Variants in C1orf94 observed in about 807,000 individuals in gnomAD.
The protein encoded by C1orf94 is uncharacterized protein C1orf94.
Under a neutral mutation model 53.6 loss-of-function variants are expected in C1orf94, and 45 were observed. The ratio of observed to expected loss-of-function variants is 0.84; its 90% confidence interval spans 0.66 to 1.08. The LOEUF (loss-of-function observed/expected upper bound fraction) is 1.08, where lower values mean the gene tolerates loss of function less well. Ranked by LOEUF, C1orf94 falls within the 50% of genes least tolerant of loss-of-function variation. The pLI is 0.00. For synonymous variants in C1orf94, 304 were observed against 296.1 expected (o/e 1.03, Z -0.27); for missense variants, 762 against 738.9 (o/e 1.03, Z -0.36).
At chr1:34,183,606 G>C (rs1226520648) in intron 1 of C1orf94, among the ~76,000 whole-genome samples, 1 of 152,186 alleles carries the variant, frequency 6.6e-6, no homozygotes, top group Non-Finnish European at 1.5e-5. Context: ...TATAATCCCA[G>C]CACTTTGGGA....
At chr1:34,169,405 C>T (rs1488162209) in intron 1 of C1orf94, among the ~76,000 whole-genome samples, 1 of 152,052 alleles carries the variant, frequency 6.6e-6, no homozygotes, top group Non-Finnish European at 1.5e-5. Context: ...TATCACATTG[C>T]AAAAAAGCCC....
At chr1:34,210,247 G>T (rs297793) in intron 5 of C1orf94, among the ~76,000 whole-genome samples, 2 of 152,100 alleles carry the variant, frequency 1.3e-5, no homozygotes, top group Non-Finnish European at 2.9e-5. Context: ...CTGACCCATA[G>T]GGTCATGACT....
rs370371684 is a variant in C1orf94, at chr1:34,212,252, C to T, written c.1567C>T (p.Arg523Cys). 214 of 1,613,324 alleles carry T rather than the reference C, an allele frequency of 1.3e-4. 3 individuals are homozygous for T. The South Asian group carries it at 1.6e-3, about 12-fold the overall frequency. The change falls in exon 6 of 7, where the codon CGC (arginine) becomes TGC (cysteine). Residue 523 changes from arginine to cysteine, a missense_variant. Transcript: ENST00000488417. ...ACAGCAGATGGGACAGCAGATCTTC[C>T]GCTCTTCCTACACCCCTCTGCTGAG... The part of the protein sequence containing the change: ...NPQQMGQQIF[R>C]SSYTPLLSYI...
In C1orf94 at chr1:34,197,135, A is replaced by G. The variant is rs2148617533; in HGVS notation, c.321-90A>G. ...TGTGTTTTTGTCATGTTATGCATCC[A>G]TCTCCCTTTTCTGGGGCCTATGTCC... On this transcript the variant is annotated intron_variant, in intron 1 of 6. Coordinates refer to ENST00000488417, the MANE Select transcript of C1orf94 (RefSeq NM_001134734.2). This position sits in a 1 kb window ranked among gnomAD's most constrained non-coding sequence, Gnocchi z 4.1. 2 of 1,179,192 alleles carry G rather than the reference A, an allele frequency of 1.7e-6. No homozygotes were observed. Among genetic ancestry groups the G allele is most frequent in the East Asian group, 5.2e-5 (2 of 38,750 alleles). 73.0% of individuals were successfully genotyped at this position (1,179,192 alleles called of 1,614,324 possible).
chr1:34,207,632 G>A (rs985449665), intron 4 of C1orf94, among the ~76,000 whole-genome samples: 24 of 152,148 alleles, frequency 1.6e-4, no homozygotes, highest in Non-Finnish European at 2.8e-4. Context: ...AGACACAAAT[G>A]TAAACACACA....
At chr1:34,169,632 AGAGT>A (rs67608411) in intron 1 of C1orf94, among the ~76,000 whole-genome samples, 28,941 of 95,486 alleles carry the variant, frequency 0.3, 4,223 homozygotes, top group Middle Eastern at 0.44. Context: ...AGAGAGAGAG[AGAGT>A]GAGCAAATGG....
At chr1:34,212,813 G>A (rs1642919082) in intron 6 of C1orf94, among the ~76,000 whole-genome samples, 1 of 152,118 alleles carries the variant, frequency 6.6e-6, no homozygotes, top group African/African-American at 2.4e-5. Flanking sequence ...CTCCTTGCAA[G>A]GCTAATCTCC....
intron 1 of C1orf94, among the ~76,000 whole-genome samples, chr1:34,187,506 T>A (rs1209086470): frequency 6.6e-6 from 1 of 152,058 alleles, no homozygotes; most frequent in East Asian, 1.9e-4. Context: ...CCTGCAGAGA[T>A]GGGCCACCAG....
At chr1:34,187,837 G>A (rs1486282662) in intron 1 of C1orf94, among the ~76,000 whole-genome samples, 1 of 139,954 alleles carries the variant, frequency 7.1e-6, no homozygotes, top group East Asian at 2.1e-4. Flanking sequence ...CTGTTCCCTG[G>A]AGGGAGAATC....
At chr1:34,202,546 T>C (rs1291225023) in intron 4 of C1orf94, among the ~76,000 whole-genome samples, 2 of 152,212 alleles carry the variant, frequency 1.3e-5, no homozygotes, top group Non-Finnish European at 2.9e-5. Flanking sequence ...CTTTCCATTG[T>C]CCGAATTCCA....
At chr1:34,199,243 G>A (rs1325517416) in intron 2 of C1orf94, among the ~76,000 whole-genome samples, 1 of 152,184 alleles carries the variant, frequency 6.6e-6, no homozygotes, top group African/African-American at 2.4e-5. Context: ...TGGGACGAGG[G>A]AGCTTCGTAG....
At chr1:34,214,725 A>T (rs530854769) in intron 6 of C1orf94, among the ~76,000 whole-genome samples, 1 of 152,276 alleles carries the variant, frequency 6.6e-6, no homozygotes, top group African/African-American at 2.4e-5. Context: ...ACATGTCTGC[A>T]GAGGTCGGAG....
rs534691805 is a variant in C1orf94 at position 34,213,816 on chromosome 1, C to T, written c.1721+1410C>T. Among the ~76,000 whole-genome samples the T allele has an allele frequency of 7.2e-5, 11 of 152,284 alleles. No individual in the cohort carries two copies. The South Asian group carries it at 2.1e-3, about 29-fold the overall frequency. ...TCAGCCTCCCAAAGTGCTGGGATTA[C>T]AGCCATGAGCCACCGTGCCCAGCAT... On this transcript the variant is annotated intron_variant, in intron 6 of 6. Transcript: ENST00000488417.
At chr1:34,201,169 T>C in intron 3 of C1orf94, 137 bp downstream of exon 3, 2 of 1,263,774 alleles carry the variant, frequency 1.6e-6, no homozygotes, top group East Asian at 2.6e-5. Flanking sequence ...ACCCATAAAA[T>C]GGGGGCAATG....
intron 5 of C1orf94, among the ~76,000 whole-genome samples, chr1:34,209,589 C>T (rs916136069): frequency 1.3e-5 from 2 of 152,198 alleles, no homozygotes; most frequent in African/African-American, 4.8e-5. Context: ...TCCTGTCTCC[C>T]CAGGGAGCCC....
rs367889351 is a variant in C1orf94 at position 34,197,802 on chromosome 1, C to T, written c.898C>T (p.Arg300Cys). 3.9e-4 allele frequency: 632 copies of T among 1,614,236 alleles called. 8 individuals carry two copies. The South Asian group carries it at 6.5e-3, about 17-fold the overall frequency. The change falls in exon 2 of 7, where the codon CGT becomes TGT. Residue 300 changes from arginine (R) to cysteine (C), a missense_variant. Coordinates refer to ENST00000488417, the MANE Select transcript of C1orf94 (RefSeq NM_001134734.2). This position sits in a 1 kb window ranked among gnomAD's most constrained non-coding sequence, Gnocchi z 4.1. ...LLLPPRPPPA[R>C]PDKLPELPAQ... ...GCTGCCTCCCCGACCTCCTCCTGCA[C>T]GTCCTGACAAGCTCCCTGAGCTCCC...
chr1:34,208,061 A>G (rs1026012346), intron 4 of C1orf94, 96 bp from the exon 5 acceptor site: 5 of 1,252,404 alleles, frequency 4.0e-6, no homozygotes, highest in Admixed American at 3.9e-5. Flanking sequence ...ATGTGATGGG[A>G]CAAACTCAGT....
At chr1:34,173,743 C>T (rs141197943), upstream of C1orf94, among the ~76,000 whole-genome samples, 513 of 152,186 alleles carry the variant, frequency 3.4e-3, 2 homozygotes, top group Non-Finnish European at 5.9e-3. Context: ...ACCAACCTGC[C>T]CAGGGTAATG....
chr1:34,197,263 T>C lies in C1orf94; in HGVS notation c.359T>C (p.Leu120Ser), dbSNP rs1156580823. ...AGCAGTGGCAAAGATGAGATCTCCT[T>C]GTTGGTGGAACAGGAGTTCCTAAGC... ...ELSSGKDEIS[L>S]LVEQEFLSLT... is the part of the protein sequence containing the mutation. The change falls in exon 2 of 7, where the codon TTG becomes TCG. Residue 120 changes from leucine to serine, a missense_variant. Leu to Ser is a moderately radical substitution (Grantham distance 145). Coordinates refer to ENST00000488417, the MANE Select transcript of C1orf94 (RefSeq NM_001134734.2). This position sits in a 1 kb window ranked among gnomAD's most constrained non-coding sequence, Gnocchi z 4.1. The C allele has an allele frequency of 1.3e-6, 2 of 1,548,380 alleles. No homozygotes were observed. The highest frequency in any genetic ancestry group is 2.7e-5 in the African/African-American group (2 of 72,926).
Sources: gnomAD v4.1 joint callset for allele counts (sites outside exome capture counted in the v4.1 genomes callset) on GRCh38, gnomAD v4.1.1 for gene constraint, Gnocchi (gnomAD v3.1) non-coding constraint, MANE v1.5 for transcripts, NCBI Gene and HGNC (gene_info 2026-07-23, HGNC 2026-07-21) for gene names.